NPM1: variants seen among roughly 807,000 people sequenced by gnomAD.
NPM1 encodes nucleophosmin.
Under a neutral mutation model 44.1 loss-of-function variants are expected in NPM1, and 1 was observed. The observed-to-expected ratio is 0.02, with a 90% CI of 0.01 to 0.11. The LOEUF (loss-of-function observed/expected upper bound fraction) is 0.11, where lower values mean the gene tolerates loss of function less well. Among genes scored for constraint, NPM1 ranks in the 10% least tolerant of loss-of-function variants. The pLI, the probability that NPM1 is intolerant of heterozygous loss-of-function variation, is 1.00. For missense variants in NPM1, 197 were observed against 347.8 expected (o/e 0.57, Z 3.45); for synonymous variants, 126 against 111.8 (o/e 1.13, Z -0.80).
intron 6 of NPM1, among the ~76,000 whole-genome samples, chr5:171,393,744 G>T (rs1484593860): frequency 6.6e-6 from 1 of 152,160 alleles, no homozygotes; most frequent in Non-Finnish European, 1.5e-5. Context: ...ATCAAATTGG[G>T]AGTTTAGGTT....
chr5:171,401,149 G>A (rs1771175717), intron 8 of NPM1, among the ~76,000 whole-genome samples: 1 of 152,064 alleles, frequency 6.6e-6, no homozygotes, highest in Non-Finnish European at 1.5e-5. Context: ...CCTGAGGTCA[G>A]GAGTTTGAGA....
At chr5:171,395,334 T>A (rs1770826575) in intron 6 of NPM1, among the ~76,000 whole-genome samples, 1 of 152,018 alleles carries the variant, frequency 6.6e-6, no homozygotes, top group African/African-American at 2.4e-5. Flanking sequence ...AGTCTCGCTC[T>A]TGTGCCCCAG....
intron 10 of NPM1, among the ~76,000 whole-genome samples, chr5:171,408,401 CGT>C (rs1771672037): frequency 6.6e-6 from 1 of 152,220 alleles, no homozygotes; most frequent in East Asian, 1.9e-4. Flanking sequence ...TGTTAGGTAT[CGT>C]GTGGAGAACG....
chr5:171,401,363 T>C (rs1452692104), intron 8 of NPM1, among the ~76,000 whole-genome samples: 1 of 150,576 alleles, frequency 6.6e-6, no homozygotes, highest in Non-Finnish European at 1.5e-5. Flanking sequence ...AAAAAAAAAA[T>C]CAGCTTGTTG....
At chr5:171,394,934 T>C (rs1389565357) in intron 6 of NPM1, among the ~76,000 whole-genome samples, 1 of 152,072 alleles carries the variant, frequency 6.6e-6, no homozygotes, top group African/African-American at 2.4e-5. Flanking sequence ...ATCCCAGCAC[T>C]TTGGGAGGCT....
At position 171,390,092 on chromosome 5, in the gene NPM1, G is replaced by T; in HGVS notation, c.100G>T (p.Asp34Tyr). The T allele has an allele frequency of 6.3e-7, 1 of 1,580,762 alleles. No homozygotes were observed. The highest frequency in any genetic ancestry group is 1.7e-4 in the Middle Eastern group (1 of 6,016). The change falls in exon 2 of 11, where the codon GAT (aspartate) becomes TAT (tyrosine). Residue 34 changes from aspartate (D) to tyrosine (Y), a missense_variant. Around this residue, in one of 5 missense-constraint regions of NPM1, gnomAD observed 43 missense variants for 109.6 expected, o/e 0.39. Transcript: ENST00000296930. ...CGACAAAGATTATCACTTTAAGGTG[G>T]ATAATGATGAAAATGAGCACCAGTT... Reference protein sequence around the residue: ...KADKDYHFKVDNDENEHQLSL... With the variant: ...KADKDYHFKVYNDENEHQLSL...
intron 7 of NPM1, 43 bp downstream of exon 7, chr5:171,400,253 A>AT: frequency 6.2e-7 from 1 of 1,611,148 alleles, no homozygotes; most frequent in Admixed American, 1.7e-5. Flanking sequence ...CTAACAATAG[A>AT]AATGGTGATT....
rs1179996473 is a variant in NPM1, at chr5:171,407,924, T to G, written c.846+150T>G. ...TTAATGAAATACCTGAAAACTCATG[T>G]ATTTAATGAAATGCATGAAGAATAC... On this transcript the variant is annotated intron_variant, in intron 10 of 10. Transcript: ENST00000296930. 6.6e-6 allele frequency: 4 copies of G among 604,292 alleles called. No homozygotes were observed. The African/African-American group carries it at 7.5e-5, about 11-fold the overall frequency. 37.4% of individuals were successfully genotyped at this position (604,292 alleles called of 1,614,324 possible). A position where few individuals can be genotyped will look rare whatever the true frequency, so the allele number is the denominator to read the frequency against.
At chr5:171,388,118 G>A in intron 1 of NPM1, 112 bp downstream of exon 1, 1 of 974,132 alleles carries the variant, frequency 1.0e-6, no homozygotes, top group Non-Finnish European at 1.6e-6. Flanking sequence ...CCGCCAGACC[G>A]ACGGGAGGCC....
At chr5:171,409,377 C>T (rs924800084) in intron 10 of NPM1, among the ~76,000 whole-genome samples, 1 of 149,154 alleles carries the variant, frequency 6.7e-6, no homozygotes, top group South Asian at 2.1e-4. Flanking sequence ...CATGGCAAAA[C>T]TCTGTCTCTA....
intron 4 of NPM1, 77 bp from the exon 5 acceptor site, chr5:171,392,633 T>G: frequency 1.2e-6 from 1 of 846,304 alleles, no homozygotes; most frequent in East Asian, 2.6e-5. Context: ...GTTTTTAGAG[T>G]ATTTACTATC....
chr5:171,387,825 A>G (rs1770307376), upstream of NPM1: 1 of 892,152 alleles, frequency 1.1e-6, no homozygotes, highest in Non-Finnish European at 1.8e-6. Flanking sequence ...CAGGGTCTAT[A>G]TATAAGCGCG....
chr5:171,387,811 T>G (rs1228298834), upstream of NPM1: 2 of 763,304 alleles, frequency 2.6e-6, no homozygotes, highest in East Asian at 2.7e-5. Flanking sequence ...GCTCGCGAGA[T>G]CTTCAGGGTC....
Position 171,390,057 on chromosome 5 carries a change from A to G in NPM1, c.65A>G (p.Glu22Gly). 6.4e-7 allele frequency: 1 copy of G among 1,551,456 alleles called. No homozygotes were observed. The highest frequency in any genetic ancestry group is 8.7e-7 in the Non-Finnish European group (1 of 1,145,614). ...CTTTTTTCTTCATTTACAGGTTGTG[A>G]ACTAAAGGCCGACAAAGATTATCAC... ...LRPQNYLFGCELKADKDYHFK... is the reference protein window; with the variant it reads ...LRPQNYLFGCGLKADKDYHFK... Residue 22 changes from glutamate to glycine, a missense_variant, in exon 2 of 11, where the codon GAA becomes GGA. Physicochemically the swap from Glu to Gly is moderately conservative, Grantham distance 98 (BLOSUM62 -2). Coordinates refer to ENST00000296930, the MANE Select transcript of NPM1 (RefSeq NM_002520.7).
chr5:171,398,757 C>A (rs796578438), intron 6 of NPM1, among the ~76,000 whole-genome samples: 1 of 152,170 alleles, frequency 6.6e-6, no homozygotes, highest in South Asian at 2.1e-4. Flanking sequence ...GGCGACAGAG[C>A]GAGACTCCGC....
Position 171,387,856 on chromosome 5 carries a change from T to A in NPM1, c.-93T>A. The A allele has an allele frequency of 8.4e-7, 1 of 1,194,306 alleles. No individual in the cohort carries two copies. Among genetic ancestry groups the A allele is most frequent in the Non-Finnish European group, 1.2e-6 (1 of 806,582 alleles). The allele number at this position is 1,194,306 out of a possible 1,614,324, so 74.0% of individuals were successfully genotyped here. A position where few individuals can be genotyped will look rare whatever the true frequency, so the allele number is the denominator to read the frequency against. On this transcript the variant is annotated 5_prime_UTR_variant, in exon 1 of 11. Coordinates refer to ENST00000296930, the MANE Select transcript of NPM1 (RefSeq NM_002520.7). ...GCGCGGGGAGCCTGCGTCCTTTCCC[T>A]GGTGTGATTCCGTCCTGCGCGGTTG...
chr5:171,400,307 T>TTGGAGATCATCTCATACTGA, intron 7 of NPM1, 97 bp downstream of exon 7: 1 of 1,234,268 alleles, frequency 8.1e-7, no homozygotes, highest in Non-Finnish European at 1.2e-6. Context: ...GAAGCTGGTG[T>TTGGAGATCATCTCATACTGA]GGGAGATCAT....
At chr5:171,407,591 A>C (rs1771639305) in intron 9 of NPM1, 109 bp from the exon 10 acceptor site, 1 of 712,734 alleles carries the variant, frequency 1.4e-6, no homozygotes, top group Admixed American at 2.7e-5. Flanking sequence ...GAAGGGAAAA[A>C]GAATAAACTG....
rs1561871443 is a variant in NPM1 at position 171,400,757 on chromosome 5, C to T, written c.583-82C>T. The T allele has an allele frequency of 7.6e-6, 7 of 916,728 alleles. No individual in the cohort carries two copies. In the South Asian group the frequency reaches 8.2e-5, roughly 11 times the overall value. The allele number at this position is 916,728 out of a possible 1,614,324, so 56.8% of individuals were successfully genotyped here. On this transcript the variant is annotated intron_variant, in intron 7 of 10. Transcript: ENST00000296930. Reference sequence around the variant, plus strand: ...CACCACGCCAAGCCTGTGGTTGCTGCTTGTCTTACATGGCTTGGACAGCTT... The same window carrying T: ...CACCACGCCAAGCCTGTGGTTGCTGTTTGTCTTACATGGCTTGGACAGCTT...
Sources: gnomAD v4.1 joint callset for allele counts (sites outside exome capture counted in the v4.1 genomes callset) on GRCh38, gnomAD v4.1.1 for gene constraint, gnomAD v4.1.1 regional missense constraint, MANE v1.5 for transcripts, NCBI Gene and HGNC (gene_info 2026-07-23, HGNC 2026-07-21) for gene names.